MASP1: variants seen among roughly 807,000 people sequenced by gnomAD.
The protein encoded by MASP1 is MBL associated serine protease 1.
Under a neutral mutation model 77.1 loss-of-function variants are expected in MASP1, and 59 were observed. The ratio of observed to expected loss-of-function variants is 0.77; its 90% CI spans 0.62 to 0.95. MASP1 has a LOEUF of 0.95. MASP1 is among the 40% of genes least tolerant of loss of function. The pLI is 0.00. For synonymous variants in MASP1, 362 were observed against 354.5 expected (o/e 1.02, Z -0.24); for missense variants, 885 against 912.9 (o/e 0.97, Z 0.39).
At chr3:187,286,604 C>T (rs1717877150) in intron 1 of MASP1, among the ~76,000 whole-genome samples, 1 of 152,144 alleles carries the variant, frequency 6.6e-6, no homozygotes. Flanking sequence ...GATCAAAAAC[C>T]TACAACTTAT....
chr3:187,266,878 G>A (rs1051084509), intron 2 of MASP1, among the ~76,000 whole-genome samples: 1 of 152,058 alleles, frequency 6.6e-6, no homozygotes, highest in Non-Finnish European at 1.5e-5. Flanking sequence ...TACTCTATGG[G>A]AAGACAGCTA....
chr3:187,265,117 A>G lies in MASP1; in HGVS notation c.238-2397T>C, dbSNP rs546134068. On this transcript the variant is annotated intron_variant, in intron 2 of 10. Transcript: ENST00000296280. ...AGTTCTAACAAATCATCATAGTCAT[A>G]TATTATATAAACCAACCAGAAGATG... 2.6e-5 allele frequency among the ~76,000 whole-genome samples: 4 copies of G among 152,312 alleles called. No individual in the cohort carries two copies. The South Asian group carries it at 8.3e-4, about 32-fold the overall frequency.
At chr3:187,268,871 G>A (rs1018356423) in intron 2 of MASP1, among the ~76,000 whole-genome samples, 14 of 151,752 alleles carry the variant, frequency 9.2e-5, no homozygotes, top group African/African-American at 3.2e-4. Flanking sequence ...TCGAGACCAG[G>A]CTGGCCAACA....
chr3:187,243,285 T>C, intron 9 of MASP1, 199 bp downstream of exon 9: 1 of 630,860 alleles, frequency 1.6e-6, no homozygotes, highest in East Asian at 2.8e-5. Context: ...TGAGACTGTT[T>C]CTGCATCTCC....
chr3:187,258,623 C>T (rs1435264799), intron 4 of MASP1, among the ~76,000 whole-genome samples: 1 of 152,206 alleles, frequency 6.6e-6, no homozygotes, highest in Non-Finnish European at 1.5e-5. Flanking sequence ...CGGCCACCTG[C>T]TGTAACCCTT....
In MASP1 at chr3:187,235,984, C is replaced by T. The variant is rs527534131; in HGVS notation, c.1887G>A (p.Glu629=). 98 of 1,614,248 alleles carry T rather than the reference C, an allele frequency of 6.1e-5. 2 individuals carry two copies. The South Asian group carries it at 1.0e-3, about 17-fold the overall frequency. The stretch of plus-strand genomic sequence containing the variant: ...AGCGGGACTCATAGCTAGTTTTGCA[C>T]TCAGCGTGAGGCACCACGGGTAACT... The part of the protein sequence containing the change: ...YVKLPVVPHA[E]CKTSYESRSG... The change falls in exon 11 of 11, where the codon GAG becomes GAA. Residue 629 remains glutamate, a synonymous_variant. Transcript: ENST00000296280.
chr3:187,236,941 TA>T (rs1264849268), intron 10 of MASP1, among the ~76,000 whole-genome samples: 1 of 152,224 alleles, frequency 6.6e-6, no homozygotes. Flanking sequence ...AGGCAGGTCT[TA>T]TTTCAGAAGT....
intron 8 of MASP1, chr3:187,246,698 C>T (rs756222704): frequency 4.6e-5 from 45 of 987,764 alleles, no homozygotes; most frequent in South Asian, 9.3e-5. Context: ...TTTTAATCAG[C>T]GAATTTTAAG....
At chr3:187,251,426 A>C (rs981477194) in intron 7 of MASP1, 29 of 566,792 alleles carry the variant, frequency 5.1e-5, no homozygotes, top group South Asian at 1.2e-4. Flanking sequence ...AAAAAAAAAA[A>C]AACAAACTTT....
intron 2 of MASP1, among the ~76,000 whole-genome samples, chr3:187,263,829 A>G (rs1423203526): frequency 4.6e-5 from 7 of 152,238 alleles, no homozygotes; most frequent in Non-Finnish European, 8.8e-5. Flanking sequence ...TTTATGTGAG[A>G]CAGGAGTTTG....
At chr3:187,263,032 C>T (rs745659027) in intron 2 of MASP1, 22 of 340,144 alleles carry the variant, frequency 6.5e-5, no homozygotes, top group East Asian at 5.6e-4. Flanking sequence ...TAGATAACCT[C>T]GCAGACAGAT....
At chr3:187,251,333 C>T (rs1714567395) in intron 7 of MASP1, 1 of 368,002 alleles carries the variant, frequency 2.7e-6, no homozygotes, top group Non-Finnish European at 5.1e-6. Flanking sequence ...GCCCGATGAA[C>T]TTTGTTACAG....
chr3:187,253,345 TAG>T (rs1714794399), intron 5 of MASP1, 30 bp from the exon 6 acceptor site: 2 of 1,603,350 alleles, frequency 1.2e-6, no homozygotes, highest in Middle Eastern at 3.3e-4. Context: ...GAGAGAGAAA[TAG>T]AGTGTTCCAT....
intron 2 of MASP1, among the ~76,000 whole-genome samples, chr3:187,276,296 G>A (rs142046773): frequency 6.6e-6 from 1 of 152,280 alleles, no homozygotes; most frequent in East Asian, 1.9e-4. Flanking sequence ...TATGTATTAT[G>A]TTTAGTGTTT....
At chr3:187,232,800 A>G (rs1433687520), downstream of MASP1, among the ~76,000 whole-genome samples, 1 of 152,254 alleles carries the variant, frequency 6.6e-6, no homozygotes, top group Non-Finnish European at 1.5e-5. Context: ...TTGGAAATGT[A>G]ATAGAACATG....
Position 187,256,829 on chromosome 3 carries a change from C to T in MASP1, c.579G>A (p.Arg193=). The T allele has an allele frequency of 6.2e-7, 1 of 1,613,878 alleles. No homozygotes were observed. The highest frequency in any genetic ancestry group is 8.5e-7 in the Non-Finnish European group (1 of 1,180,012). ...VECSDNLFTQ[R]TGVITSPDFP... is the part of the protein sequence containing the mutation. ...AGTCAGGGCTGGTGATCACCCCAGT[C>T]CTTTGAGTGAAGAGGTTGTCACTGC... Residue 193 remains arginine (R), a synonymous_variant, in exon 5 of 11, where the codon AGG becomes AGA. Transcript: ENST00000296280.
intron 4 of MASP1, among the ~76,000 whole-genome samples, chr3:187,257,363 CTTATTTTATT>C (rs150478704): frequency 6.6e-5 from 10 of 151,798 alleles, no homozygotes; most frequent in Non-Finnish European, 1.0e-4. Context: ...TTCCTTCTTA[CTTATTTTATT>C]TTATTTTATT....
intron 2 of MASP1, among the ~76,000 whole-genome samples, chr3:187,277,174 C>A (rs1300311172): frequency 6.6e-6 from 1 of 152,144 alleles, no homozygotes; most frequent in Non-Finnish European, 1.5e-5. Context: ...ACGTGACTTG[C>A]CCAAGCTCTC....
Position 187,235,514 on chromosome 3 carries a change from C to G in MASP1, c.*170G>C, listed in dbSNP as rs754579138. On this transcript the variant is annotated 3_prime_UTR_variant, in exon 11 of 11. Coordinates refer to ENST00000296280, the MANE Select transcript of MASP1 (RefSeq NM_139125.4). ...CAGGTCTCCTGCCTGGAGCCTTTTC[C>G]CTATACCACACTCTGCCTCTCAGGG... 9.9e-5 allele frequency: 152 copies of G among 1,531,054 alleles called. No homozygotes were observed. Among genetic ancestry groups the G allele is most frequent in the Non-Finnish European group, 1.2e-4 (138 of 1,145,214 alleles). The allele number at this position is 1,531,054 out of a possible 1,614,324, so 94.8% of individuals were successfully genotyped here.
Sources: gnomAD v4.1 joint callset for allele counts (sites outside exome capture counted in the v4.1 genomes callset) on GRCh38, gnomAD v4.1.1 for gene constraint, MANE v1.5 for transcripts, NCBI Gene and HGNC (gene_info 2026-07-23, HGNC 2026-07-21) for gene names.